Variants in LRRC49 observed in about 807,000 individuals in gnomAD.
The protein encoded by LRRC49 is leucine-rich repeat-containing protein 49.
A neutral mutation model predicts 83.3 loss-of-function variants in LRRC49; 50 were observed. That is an observed-to-expected ratio of 0.60 (90% CI 0.48 to 0.76). The LOEUF (loss-of-function observed/expected upper bound fraction) is 0.76. Among genes scored for constraint, LRRC49 ranks in the 30% least tolerant of loss-of-function variants. The pLI, the probability that LRRC49 is intolerant of heterozygous loss-of-function variation, is 0.00. For missense variants in LRRC49, 704 were observed against 809.1 expected (o/e 0.87, Z 1.58); for synonymous variants, 286 against 283.3 (o/e 1.01, Z -0.10).
At chr15:70,938,405 C>T (rs1371265745) in intron 8 of LRRC49, among the ~76,000 whole-genome samples, 2 of 152,252 alleles carry the variant, frequency 1.3e-5, no homozygotes, top group Middle Eastern at 3.4e-3. Context: ...TAAAAATTCT[C>T]TCTGTGATTG....
At chr15:71,021,517 C>T (rs2038994799) in intron 14 of LRRC49, among the ~76,000 whole-genome samples, 1 of 152,220 alleles carries the variant, frequency 6.6e-6, no homozygotes, top group African/African-American at 2.4e-5. Context: ...GTTCCTGTCA[C>T]TTTGCCAGTA....
intron 11 of LRRC49, among the ~76,000 whole-genome samples, chr15:70,986,027 T>C (rs1022568372): frequency 3.0e-4 from 45 of 151,704 alleles, no homozygotes; most frequent in African/African-American, 1.0e-3. Context: ...GTTTTGGTTA[T>C]TGTAGCCTTC....
chr15:70,990,682 C>T (rs1174385197), intron 11 of LRRC49, among the ~76,000 whole-genome samples: 1 of 152,210 alleles, frequency 6.6e-6, no homozygotes, highest in Non-Finnish European at 1.5e-5. Context: ...GTGAGATGAA[C>T]CCAGTACCTC....
intron 14 of LRRC49, among the ~76,000 whole-genome samples, chr15:71,033,826 G>A (rs1032657596): frequency 6.6e-6 from 1 of 152,102 alleles, no homozygotes; most frequent in Non-Finnish European, 1.5e-5. Flanking sequence ...GGGAAAACTG[G>A]CTAGCCATAT....
chr15:70,909,878 A>ACACACACACACAC (rs56281773), intron 5 of LRRC49, among the ~76,000 whole-genome samples: 1 of 150,386 alleles, frequency 6.6e-6, no homozygotes, highest in South Asian at 2.1e-4. Context: ...ACACACACAC[A>ACACACACACACAC]AAACAAACAA....
intron 2 of LRRC49, among the ~76,000 whole-genome samples, chr15:70,880,574 A>C (rs537178419): frequency 6.6e-6 from 1 of 152,264 alleles, no homozygotes; most frequent in Non-Finnish European, 1.5e-5. Flanking sequence ...AATATAAACT[A>C]TAAGTTCCTT....
rs2039990902 is a variant in LRRC49 at position 71,051,231 on chromosome 15, C to T, written c.*1619C>T. On this transcript the variant is annotated 3_prime_UTR_variant, in exon 16 of 16. Transcript: ENST00000260382. ...GATAGCACACACTTCGTAAGATAGT[C>T]ATGAGAATCAAAAGAAACAATGCAT... The T allele has an allele frequency of 6.6e-6, 1 of 152,226 alleles. No homozygotes were observed. The highest frequency in any genetic ancestry group is 1.5e-5 in the Non-Finnish European group (1 of 68,074). The allele number at this position is 152,226 out of a possible 1,614,324, so 9.4% of individuals were successfully genotyped here.
chr15:70,984,518 A>G lies in LRRC49; in HGVS notation c.1169+261A>G, dbSNP rs138871643. 1.6e-4 allele frequency: 40 copies of G among 254,064 alleles called. 1 individual carries two copies. Among genetic ancestry groups the G allele is most frequent in the African/African-American group, 6.0e-4 (27 of 44,680 alleles). The allele number at this position is 254,064 out of a possible 1,614,324, so 15.7% of individuals were successfully genotyped here. On this transcript the variant is annotated intron_variant, in intron 11 of 15. Transcript: ENST00000260382. ...ATATAGTCTATGATGTCTTTTGCCC[A>G]CTTCATCTCTTTTATCTCATGCCAT...
chr15:70,961,196 A>T (rs967586115), intron 8 of LRRC49, among the ~76,000 whole-genome samples: 10 of 152,138 alleles, frequency 6.6e-5, no homozygotes, highest in African/African-American at 2.4e-4. Context: ...TCATTAGGGA[A>T]TTGCATATTA....
intron 1 of LRRC49, chr15:70,859,409 T>G (rs60186307): frequency 1.3e-6 from 1 of 752,382 alleles, no homozygotes; most frequent in African/African-American, 1.7e-5. Context: ...AGAGGAGATC[T>G]GGGAGCTGCA....
chr15:70,895,719 G>A, intron 2 of LRRC49, 130 bp from the exon 3 acceptor site: 1 of 537,312 alleles, frequency 1.9e-6, no homozygotes, highest in Non-Finnish European at 3.2e-6. Flanking sequence ...TCTTTCACTT[G>A]GCATGATGTT....
At chr15:71,011,925 A>G (rs2038664527) in intron 13 of LRRC49, among the ~76,000 whole-genome samples, 1 of 152,080 alleles carries the variant, frequency 6.6e-6, no homozygotes, top group Non-Finnish European at 1.5e-5. Flanking sequence ...GGGTTTCTAA[A>G]CCTTGGCTCT....
intron 1 of LRRC49, chr15:70,854,071 C>G: frequency 7.3e-7 from 1 of 1,371,394 alleles, no homozygotes; most frequent in Non-Finnish European, 9.5e-7. Flanking sequence ...GCCGAGCCTC[C>G]CCGCCGGACT....
chr15:71,018,780 C>T (rs745645327), intron 14 of LRRC49, among the ~76,000 whole-genome samples: 1 of 152,160 alleles, frequency 6.6e-6, no homozygotes, highest in Non-Finnish European at 1.5e-5. Context: ...CAAACCCAGC[C>T]TCCCTACATC....
chr15:70,867,039 C>T (rs1028328316), intron 1 of LRRC49, among the ~76,000 whole-genome samples: 3 of 138,450 alleles, frequency 2.2e-5, no homozygotes, highest in South Asian at 2.4e-4. Flanking sequence ...CAAGTGGAGG[C>T]TGATCGGAAC....
intron 14 of LRRC49, among the ~76,000 whole-genome samples, chr15:71,036,512 C>G (rs2039523737): frequency 1.3e-5 from 2 of 152,058 alleles, no homozygotes; most frequent in Admixed American, 1.3e-4. Context: ...TTTGAGACAC[C>G]CTAAGTGGTG....
At chr15:70,918,753 A>C (rs2034891575) in intron 6 of LRRC49, 1 of 244,364 alleles carries the variant, frequency 4.1e-6, no homozygotes, top group Admixed American at 5.4e-5. Context: ...CCTTCACAGA[A>C]CCTGGGACAG....
chr15:70,894,558 C>G, intron 2 of LRRC49: 2 of 1,052,014 alleles, frequency 1.9e-6, no homozygotes, highest in Non-Finnish European at 2.5e-6. Flanking sequence ...TCTTTCCTTT[C>G]TGTCTCACCT....
intron 6 of LRRC49, among the ~76,000 whole-genome samples, chr15:70,916,171 A>G (rs1160781154): frequency 2.0e-5 from 3 of 152,132 alleles, no homozygotes; most frequent in Admixed American, 6.5e-5. Context: ...CACTTGCTCT[A>G]TTATAATAGT....
Sources: gnomAD v4.1 joint callset for allele counts (sites outside exome capture counted in the v4.1 genomes callset) on GRCh38, gnomAD v4.1.1 for gene constraint, MANE v1.5 for transcripts, NCBI Gene and HGNC (gene_info 2026-07-23, HGNC 2026-07-21) for gene names.